MLLT10: variants seen among roughly 807,000 people sequenced by gnomAD.
MLLT10 encodes the protein protein AF-10.
A neutral mutation model predicts 129.1 loss-of-function variants in MLLT10; 30 were observed. The observed-to-expected ratio is 0.23, with a 90% CI of 0.17 to 0.32. The LOEUF (loss-of-function observed/expected upper bound fraction) is 0.32, where lower values mean the gene tolerates loss of function less well. MLLT10 is among the 10% of genes least tolerant of loss of function. MLLT10 has a pLI of 1.00. For synonymous variants in MLLT10, 490 were observed against 446.4 expected (o/e 1.10, Z -1.23); for missense variants, 1,119 against 1,268.3 (o/e 0.88, Z 1.79).
intron 10 of MLLT10, 32 bp from the exon 11 acceptor site, chr10:21,673,318 C>CCCCCCTCT (rs1564622986): frequency 6.8e-6 from 2 of 295,854 alleles, no homozygotes; most frequent in African/African-American, 7.5e-5. Flanking sequence ...CACCCCCCAA[C>CCCCCCTCT]TTTTTTTTTT....
chr10:21,732,802 CTATTT>C (rs781070387), intron 17 of MLLT10, 92 bp from the exon 18 acceptor site: 8 of 962,256 alleles, frequency 8.3e-6, no homozygotes, highest in Non-Finnish European at 1.2e-5. Flanking sequence ...TTCTACTGTT[CTATTT>C]TAACTTATTT....
intron 10 of MLLT10, among the ~76,000 whole-genome samples, chr10:21,671,185 G>GT (rs1301403316): frequency 6.6e-6 from 1 of 152,038 alleles, no homozygotes; most frequent in East Asian, 1.9e-4. Flanking sequence ...TGCCTGGCCA[G>GT]TTTTTGTATT....
intron 13 of MLLT10, among the ~76,000 whole-genome samples, chr10:21,703,215 G>A (rs1414329954): frequency 6.6e-6 from 1 of 151,768 alleles, no homozygotes; most frequent in Non-Finnish European, 1.5e-5. Context: ...GCTTTTGCTT[G>A]TCTGGAGAAG....
chr10:21,585,051 G>A (rs2041869728), intron 3 of MLLT10, among the ~76,000 whole-genome samples: 1 of 151,832 alleles, frequency 6.6e-6, no homozygotes, highest in Non-Finnish European at 1.5e-5. Context: ...CTGAGTAGCT[G>A]GTACTACAGG....
chr10:21,693,936 T>C (rs1353094550), intron 13 of MLLT10, among the ~76,000 whole-genome samples: 3 of 152,222 alleles, frequency 2.0e-5, no homozygotes, highest in Non-Finnish European at 1.5e-5. Flanking sequence ...CATGTTGTTT[T>C]CAAGTTTGAA....
In MLLT10 at chr10:21,534,343, C is replaced by T. The variant is rs1457595986; in HGVS notation, c.-178C>T. ...CCCAGTGCGCCTGTGCGGAGGCCCTCTTGATTATGTGTGCCCTCTCCGGGC... is the reference window on the plus strand; with the variant it reads ...CCCAGTGCGCCTGTGCGGAGGCCCTTTTGATTATGTGTGCCCTCTCCGGGC... On this transcript the variant is annotated 5_prime_UTR_variant, in exon 1 of 23. Transcript: ENST00000307729. The T allele has an allele frequency of 5.2e-6, 2 of 382,860 alleles. No individual in the cohort carries two copies. Among genetic ancestry groups the T allele is most frequent in the South Asian group, 9.2e-5 (1 of 10,820 alleles). The allele number at this position is 382,860 out of a possible 1,614,324, so 23.7% of individuals were successfully genotyped here.
chr10:21,614,659 G>A (rs1189912540), intron 6 of MLLT10, among the ~76,000 whole-genome samples, 172 bp from the exon 7 acceptor site: 1 of 152,068 alleles, frequency 6.6e-6, no homozygotes, highest in Non-Finnish European at 1.5e-5. Context: ...TTGCAGGTTG[G>A]GGTGAAATAC....
intron 3 of MLLT10, among the ~76,000 whole-genome samples, chr10:21,565,007 C>G (rs1448762415): frequency 2.0e-5 from 3 of 152,032 alleles, no homozygotes; most frequent in Non-Finnish European, 2.9e-5. Flanking sequence ...GTGCATTTCT[C>G]CACTCTGTTC....
At chr10:21,541,631 C>T (rs1328757810) in intron 3 of MLLT10, among the ~76,000 whole-genome samples, 1 of 152,132 alleles carries the variant, frequency 6.6e-6, no homozygotes, top group East Asian at 1.9e-4. Flanking sequence ...GGTGATCTGC[C>T]TGCTTTGGCC....
intron 5 of MLLT10, among the ~76,000 whole-genome samples, chr10:21,596,588 T>C (rs1229700183): frequency 2.0e-5 from 3 of 152,034 alleles, no homozygotes. Flanking sequence ...CTATATTATG[T>C]TAGGTACACT....
chr10:21,669,676 T>C (rs763834419), intron 9 of MLLT10, among the ~76,000 whole-genome samples: 8 of 152,222 alleles, frequency 5.3e-5, no homozygotes, highest in Admixed American at 6.5e-5. Context: ...TGGTGATTAA[T>C]GTGCATCTGG....
chr10:21,642,170 G>T (rs986592502), intron 8 of MLLT10, among the ~76,000 whole-genome samples: 4 of 151,994 alleles, frequency 2.6e-5, no homozygotes, highest in African/African-American at 9.7e-5. Context: ...AGCCAACACG[G>T]TGAAACCCAG....
intron 2 of MLLT10, among the ~76,000 whole-genome samples, chr10:21,535,579 G>A (rs1239520810): frequency 6.6e-6 from 1 of 152,130 alleles, no homozygotes; most frequent in Non-Finnish European, 1.5e-5. Flanking sequence ...AATTGATGAG[G>A]TTTTTGGATA....
chr10:21,739,935 T>G (rs928690900), intron 21 of MLLT10, 95 bp from the exon 22 acceptor site: 47 of 937,228 alleles, frequency 5.0e-5, no homozygotes, highest in Admixed American at 8.4e-5. Flanking sequence ...TTTGCAAATA[T>G]CTAATATTAA....
chr10:21,622,077 G>C (rs1455010725), intron 8 of MLLT10, among the ~76,000 whole-genome samples: 1 of 151,964 alleles, frequency 6.6e-6, no homozygotes, highest in East Asian at 1.9e-4. Context: ...TGCGAGCAAG[G>C]AGAGAAGAAA....
chr10:21,537,823 C>T (rs1156980035), intron 2 of MLLT10, among the ~76,000 whole-genome samples: 1 of 152,108 alleles, frequency 6.6e-6, no homozygotes, highest in East Asian at 1.9e-4. Context: ...CATATTTCTG[C>T]CTAGCAAGCT....
intron 5 of MLLT10, among the ~76,000 whole-genome samples, chr10:21,610,216 T>C (rs1261370589): frequency 6.6e-6 from 1 of 152,204 alleles, no homozygotes; most frequent in Non-Finnish European, 1.5e-5. Flanking sequence ...GCAGGGATGA[T>C]AGGACCCTAG....
rs2051317321 is a variant in MLLT10, at chr10:21,670,820, A to G, written c.1051+116A>G. On this transcript the variant is annotated intron_variant, in intron 10 of 22. Coordinates refer to ENST00000307729, the MANE Select transcript of MLLT10 (RefSeq NM_001195626.3). ...TAACTAATGGATGTTCTAGATTATTATATGATTAGTTGCTTTAGTAAGATT... is the reference window on the plus strand; with the variant it reads ...TAACTAATGGATGTTCTAGATTATTGTATGATTAGTTGCTTTAGTAAGATT... 3.4e-6 allele frequency: 4 copies of G among 1,190,866 alleles called. No homozygotes were observed. The African/African-American group carries it at 4.6e-5, about 14-fold the overall frequency. The allele number at this position is 1,190,866 out of a possible 1,614,324, so 73.8% of individuals were successfully genotyped here. A position where few individuals can be genotyped will look rare whatever the true frequency, so the allele number is the denominator to read the frequency against.
chr10:21,706,082 A>T (rs1373847315), intron 13 of MLLT10, among the ~76,000 whole-genome samples: 1 of 152,108 alleles, frequency 6.6e-6, no homozygotes, highest in Non-Finnish European at 1.5e-5. Flanking sequence ...TTTTTGTTGA[A>T]TTCCAGTGTT....
Sources: gnomAD v4.1 joint callset for allele counts (sites outside exome capture counted in the v4.1 genomes callset) on GRCh38, gnomAD v4.1.1 for gene constraint, MANE v1.5 for transcripts, NCBI Gene and HGNC (gene_info 2026-07-23, HGNC 2026-07-21) for gene names.